HERC2: variants seen among roughly 807,000 people sequenced by gnomAD.
HERC2 encodes HECT and RLD domain containing E3 ubiquitin protein ligase 2, also known as E3 ubiquitin-protein ligase HERC2.
HERC2 carries 102 observed loss-of-function variants against 537.7 expected under a neutral mutation model. That is an observed-to-expected ratio of 0.19 (90% CI 0.16 to 0.22). HERC2 has a LOEUF of 0.22. HERC2 is among the 10% of genes least tolerant of loss of function. The probability of loss-of-function intolerance (pLI) is 1.00; values close to 1 mark genes in which losing one functional copy is unlikely to be tolerated. For synonymous variants in HERC2, 2,224 were observed against 2,466.2 expected (o/e 0.90, Z 2.91); for missense variants, 4,236 against 6,198.2 (o/e 0.68, Z 10.63).
At chr15:28,126,886 A>G (rs1889552001) in intron 83 of HERC2, among the ~76,000 whole-genome samples, 2 of 152,244 alleles carry the variant, frequency 1.3e-5, no homozygotes, top group Admixed American at 1.3e-4. Flanking sequence ...AAAAAATAAC[A>G]TAAAAAAAGA....
intron 81 of HERC2, 69 bp downstream of exon 81, chr15:28,132,031 C>A: frequency 7.9e-7 from 1 of 1,258,858 alleles, no homozygotes; most frequent in Non-Finnish European, 1.0e-6. Context: ...TGTGTTTTCC[C>A]AGAGGGGCCC....
chr15:28,224,650 AATCAGATCTAATAGAC>A (rs1900919030), intron 35 of HERC2, among the ~76,000 whole-genome samples: 1 of 152,214 alleles, frequency 6.6e-6, no homozygotes, highest in Non-Finnish European at 1.5e-5. Context: ...ACCATAAACC[AATCAGATCTAATAGAC>A]ATATACAGAA....
chr15:28,267,880 C>T (rs2075612092), intron 12 of HERC2, among the ~76,000 whole-genome samples: 1 of 152,244 alleles, frequency 6.6e-6, no homozygotes, highest in African/African-American at 2.4e-5. Flanking sequence ...TGTGTACATA[C>T]ATCCCTCATT....
intron 2 of HERC2, among the ~76,000 whole-genome samples, chr15:28,307,190 T>C (rs1347049778): frequency 2.6e-5 from 4 of 152,338 alleles, no homozygotes; most frequent in South Asian, 2.1e-4. Flanking sequence ...TAGCTGTTCA[T>C]AGTCTCTAAT....
At position 28,256,081 on chromosome 15, in the gene HERC2, A is replaced by G. The variant is rs776517834; in HGVS notation, c.2746+8T>C. ...CCATGCCCTCTCCTGTTCCTTCCCC[A>G]GGCCCACCTGCGCAGGGCAGGAGAG... On this transcript the variant is annotated splice_region_variant and intron_variant, in intron 18 of 92. Coordinates refer to ENST00000261609, the MANE Select transcript of HERC2 (RefSeq NM_004667.6). 22 of 1,603,472 alleles carry G rather than the reference A, an allele frequency of 1.4e-5. No homozygotes were observed. Among genetic ancestry groups the G allele is most frequent in the Non-Finnish European group, 1.9e-5 (22 of 1,178,722 alleles).
chr15:28,166,708 T>G (rs1156799303), intron 68 of HERC2, among the ~76,000 whole-genome samples: 1 of 151,350 alleles, frequency 6.6e-6, no homozygotes, highest in Non-Finnish European at 1.5e-5. Context: ...CAATGACCAG[T>G]CCACGGGAGT....
intron 30 of HERC2, among the ~76,000 whole-genome samples, chr15:28,231,997 C>T (rs1901910181): frequency 6.6e-6 from 1 of 152,066 alleles, no homozygotes; most frequent in Non-Finnish European, 1.5e-5. Flanking sequence ...CTCCTGGGCC[C>T]AGGCTGAGTT....
At chr15:28,116,570 G>C (rs1888276893) in intron 88 of HERC2, 95 bp downstream of exon 88, 2 of 1,210,296 alleles carry the variant, frequency 1.7e-6, no homozygotes, top group South Asian at 2.9e-5. Context: ...AGATATTCAA[G>C]ATATCTACTG....
intron 2 of HERC2, among the ~76,000 whole-genome samples, chr15:28,306,505 T>A (rs1226077352): frequency 4.6e-5 from 7 of 152,260 alleles, no homozygotes; most frequent in Non-Finnish European, 8.8e-5. Flanking sequence ...GCATCAATGT[T>A]CATCTGGGAT....
At chr15:28,178,688 C>G (rs1484540987) in intron 59 of HERC2, among the ~76,000 whole-genome samples, 199 bp downstream of exon 59, 1 of 152,180 alleles carries the variant, frequency 6.6e-6, no homozygotes, top group African/African-American at 2.4e-5. Context: ...CTCAGAAAAA[C>G]AGCCTACTTT....
At chr15:28,312,723 G>C (rs976459021) in intron 2 of HERC2, 1 of 356,272 alleles carries the variant, frequency 2.8e-6, no homozygotes, top group Admixed American at 6.4e-5. Context: ...TCTCCAATTA[G>C]CTTTTTATTA....
chr15:28,226,899 T>C (rs1476912086), intron 35 of HERC2, among the ~76,000 whole-genome samples: 1 of 152,240 alleles, frequency 6.6e-6, no homozygotes, highest in Non-Finnish European at 1.5e-5. Context: ...TGAGGACTGG[T>C]GTTAATTCTT....
chr15:28,168,885 T>C (rs1242366449), intron 66 of HERC2, among the ~76,000 whole-genome samples: 2 of 152,240 alleles, frequency 1.3e-5, no homozygotes, highest in East Asian at 1.9e-4. Context: ...AGAAATCCTC[T>C]TGGGCTGCTG....
intron 4 of HERC2, among the ~76,000 whole-genome samples, chr15:28,289,755 C>G (rs1229326394): frequency 2.6e-5 from 4 of 152,218 alleles, no homozygotes; most frequent in African/African-American, 9.7e-5. Flanking sequence ...AAAACGTTCC[C>G]TAAGGTGTAT....
chr15:28,245,602 C>G (rs933379643), intron 23 of HERC2, among the ~76,000 whole-genome samples: 1 of 142,904 alleles, frequency 7.0e-6, no homozygotes, highest in African/African-American at 2.8e-5. Context: ...CACACACACA[C>G]ACAGATATAT....
intron 4 of HERC2, among the ~76,000 whole-genome samples, chr15:28,291,974 T>A (rs963602739): frequency 7.9e-6 from 1 of 127,348 alleles, no homozygotes; most frequent in African/African-American, 3.0e-5. Flanking sequence ...ATGCCTGTAA[T>A]ACTAGCACTT....
chr15:28,136,629 A>G (rs941370026), intron 78 of HERC2, among the ~76,000 whole-genome samples: 7 of 132,196 alleles, frequency 5.3e-5, no homozygotes, highest in Non-Finnish European at 8.8e-5. Context: ...AGGAGTTGGC[A>G]AATTATGGCC....
chr15:28,196,578 G>C lies in HERC2; in HGVS notation c.8012-9C>G, dbSNP rs2428637. On this transcript the variant is annotated splice_polypyrimidine_tract_variant and intron_variant, in intron 50 of 92. Coordinates refer to ENST00000261609, the MANE Select transcript of HERC2 (RefSeq NM_004667.6). The stretch of plus-strand genomic sequence containing the variant: ...TCCATTGGCACTGAAAGCTAGGACA[G>C]AACAGAAATCACCTGATCCATCTTC... The C allele has an allele frequency of 1.9e-6, 3 of 1,546,308 alleles. No individual in the cohort carries two copies. Among genetic ancestry groups the C allele is most frequent in the African/African-American group, 1.4e-5 (1 of 73,622 alleles).
chr15:28,115,365 C>T (rs566977138), intron 89 of HERC2, 64 bp downstream of exon 89: 5 of 1,113,566 alleles, frequency 4.5e-6, no homozygotes, highest in Middle Eastern at 2.8e-4. Flanking sequence ...TGACCGGACC[C>T]GCAGAACAGA....
Sources: gnomAD v4.1 joint callset for allele counts (sites outside exome capture counted in the v4.1 genomes callset) on GRCh38, gnomAD v4.1.1 for gene constraint, MANE v1.5 for transcripts, NCBI Gene and HGNC (gene_info 2026-07-23, HGNC 2026-07-21) for gene names.